The following SKIC3 variants were observed in gnomAD, a reference collection of about 807,000 sequenced individuals.
SKIC3 encodes the protein superkiller complex protein 3.
chr5:95,531,747 C>G, the SKIC3 span, among the ~76,000 whole-genome samples: 1 of 152,138 alleles, frequency 6.6e-6, no homozygotes, highest in Non-Finnish European at 1.5e-5. Flanking sequence ...TACTTAAAGA[C>G]CACAGGTCTA....
At chr5:95,480,693 G>T in the SKIC3 span, among the ~76,000 whole-genome samples, 1 of 152,046 alleles carries the variant, frequency 6.6e-6, no homozygotes, top group African/African-American at 2.4e-5. Context: ...GACCAAGAAT[G>T]GTCACAGCAG....
chr5:95,464,860 C>T, the SKIC3 span, among the ~76,000 whole-genome samples: 3 of 150,252 alleles, frequency 2.0e-5, no homozygotes, highest in South Asian at 2.1e-4. Flanking sequence ...ATTGTTTAAA[C>T]GAAGCTAACA....
At chr5:95,541,098 C>T in the SKIC3 span, among the ~76,000 whole-genome samples, 1 of 152,096 alleles carries the variant, frequency 6.6e-6, no homozygotes, top group Non-Finnish European at 1.5e-5. Flanking sequence ...TCCTGAGTAG[C>T]TGGTATTACA....
the SKIC3 span, chr5:95,478,474 G>A: frequency 1.2e-5 from 19 of 1,613,136 alleles, no homozygotes; most frequent in African/African-American, 5.3e-5. Flanking sequence ...GGAGGCAAAG[G>A]ATTTTAGTTT....
At chr5:95,515,026 T>C in the SKIC3 span, 3 of 1,118,330 alleles carry the variant, frequency 2.7e-6, no homozygotes, top group Middle Eastern at 2.5e-4. Flanking sequence ...TCATCATAAA[T>C]ATGTATGAAC....
chr5:95,507,632 G>T, the SKIC3 span, among the ~76,000 whole-genome samples: 4 of 152,112 alleles, frequency 2.6e-5, no homozygotes, highest in Admixed American at 6.6e-5. Context: ...ATTTAAAGAC[G>T]ACTGGCTAGG....
the SKIC3 span, chr5:95,541,827 T>C: frequency 1.2e-6 from 2 of 1,611,240 alleles, no homozygotes; most frequent in Non-Finnish European, 1.7e-6. Context: ...CTCATAAAGA[T>C]CCAGGAGCTT....
At chr5:95,540,659 G>T in the SKIC3 span, 1 of 1,612,296 alleles carries the variant, frequency 6.2e-7, no homozygotes. Context: ...CAATTTTCAT[G>T]AACAAACTTG....
the SKIC3 span, among the ~76,000 whole-genome samples, chr5:95,510,180 CAT>C: frequency 6.6e-6 from 1 of 152,120 alleles, no homozygotes; most frequent in East Asian, 1.9e-4. Context: ...TGTCAAAAAA[CAT>C]AATGTATCTG....
At chr5:95,478,498 T>C in the SKIC3 span, 1 of 1,602,772 alleles carries the variant, frequency 6.2e-7, no homozygotes, top group East Asian at 2.2e-5. Flanking sequence ...ATGCAGTCTG[T>C]TACCCCTACT....
chr5:95,509,709 C>A, the SKIC3 span: 5 of 1,479,556 alleles, frequency 3.4e-6, no homozygotes, highest in Non-Finnish European at 4.7e-6. Context: ...GAAATATCTT[C>A]ATTTTAAATA....
chr5:95,514,756 C>T, the SKIC3 span: 2 of 1,237,814 alleles, frequency 1.6e-6, no homozygotes, highest in Non-Finnish European at 2.3e-6. Context: ...CAAAGTAAGC[C>T]CTCAAATGCT....
chr5:95,470,954 A>G, the SKIC3 span, among the ~76,000 whole-genome samples: 1 of 152,204 alleles, frequency 6.6e-6, no homozygotes, highest in Non-Finnish European at 1.5e-5. Context: ...AACCACAAGT[A>G]TCTAAAATAT....
chr5:95,547,208 T>A, the SKIC3 span: 1 of 1,526,308 alleles, frequency 6.6e-7, no homozygotes, highest in Non-Finnish European at 9.1e-7. Context: ...ATCGTAAATG[T>A]TCCAACAAAC....
the SKIC3 span, chr5:95,498,644 G>C: frequency 9.1e-7 from 1 of 1,096,308 alleles, no homozygotes; most frequent in South Asian, 1.6e-5. Flanking sequence ...TTTTTTTTTT[G>C]AGACGGAGTC....
chr5:95,520,582 G>A, the SKIC3 span: 1 of 681,570 alleles, frequency 1.5e-6, no homozygotes, highest in Non-Finnish European at 2.4e-6. Flanking sequence ...TATAGAATTG[G>A]CTTGTCTGTT....
chr5:95,478,240 A>T, the SKIC3 span: 3 of 1,605,500 alleles, frequency 1.9e-6, no homozygotes, highest in Non-Finnish European at 2.6e-6. Flanking sequence ...CACGTCAAAG[A>T]AAGATAAAAA....
chr5:95,540,682 G>A, the SKIC3 span: 12 of 1,613,766 alleles, frequency 7.4e-6, no homozygotes, highest in African/African-American at 6.7e-5. Flanking sequence ...GAATAAATGA[G>A]TCAATACCAA....
the SKIC3 span, among the ~76,000 whole-genome samples, chr5:95,486,426 T>C: frequency 6.6e-6 from 1 of 152,170 alleles, no homozygotes; most frequent in South Asian, 2.1e-4. Flanking sequence ...GCTGCAACCC[T>C]ATGGCTGCTC....
Sources: allele counts gnomAD v4.1 joint callset (sites outside exome capture counted in the v4.1 genomes callset), GRCh38; gene constraint gnomAD v4.1.1; transcripts MANE v1.5; gene names NCBI Gene and HGNC (gene_info 2026-07-23, HGNC 2026-07-21).